Variants in PCDHGA2 observed in about 807,000 individuals in gnomAD.
The protein encoded by PCDHGA2 is protocadherin gamma-A2.
A neutral mutation model predicts 59.2 loss-of-function variants in PCDHGA2; 40 were observed. The ratio of observed to expected loss-of-function variants is 0.68; its 90% CI spans 0.52 to 0.88. The LOEUF (loss-of-function observed/expected upper bound fraction) is 0.88, where lower values mean the gene tolerates loss of function less well. Ranked by LOEUF, PCDHGA2 falls within the 40% of genes least tolerant of loss-of-function variation. PCDHGA2 has a pLI of 0.00. For missense variants in PCDHGA2, 1,226 were observed against 1,204.0 expected, an observed-to-expected ratio of 1.02 and a Z score of -0.27; for synonymous variants, 560 against 526.0, an observed-to-expected ratio of 1.06 and a Z score of -0.89.
intron 1 of PCDHGA2, chr5:141,403,391 G>GT (rs2154533404): frequency 1.2e-6 from 2 of 1,614,046 alleles, no homozygotes; most frequent in Admixed American, 3.3e-5. Flanking sequence ...CGAAATCGCG[G>GT]TTCCTGGAGC....
chr5:141,385,573 C>T lies in PCDHGA2; in HGVS notation c.2424+44178C>T, dbSNP rs576834153. 10 of 1,295,026 alleles carry T rather than the reference C, an allele frequency of 7.7e-6. No individual in the cohort carries two copies. In the East Asian group the frequency reaches 2.7e-4, roughly 35 times the overall value. The allele number at this position is 1,295,026 out of a possible 1,614,324, so 80.2% of individuals were successfully genotyped here. On this transcript the variant is annotated intron_variant, in intron 1 of 3. Coordinates refer to ENST00000394576, the MANE Select transcript of PCDHGA2 (RefSeq NM_018915.4). Reference sequence around the variant, plus strand: ...ACATTTTATAATTTCCACCTACTTTCCAATCTATGTTCCAACCTACTTTCT... The same window carrying T: ...ACATTTTATAATTTCCACCTACTTTTCAATCTATGTTCCAACCTACTTTCT...
intron 1 of PCDHGA2, among the ~76,000 whole-genome samples, chr5:141,373,006 G>GCCT (rs775944130): frequency 4.6e-5 from 7 of 152,146 alleles, no homozygotes; most frequent in Non-Finnish European, 8.8e-5. Context: ...TTCATAGAAA[G>GCCT]CCTCCTTTTG....
intron 1 of PCDHGA2, chr5:141,423,309 G>T (rs1401836240): frequency 6.2e-7 from 1 of 1,614,176 alleles, no homozygotes; most frequent in South Asian, 1.1e-5. Context: ...CGCTGTACTT[G>T]GTGGTGGCGG....
intron 1 of PCDHGA2, chr5:141,383,141 G>A (rs781049830): frequency 1.2e-6 from 2 of 1,614,134 alleles, no homozygotes; most frequent in Admixed American, 1.7e-5. Flanking sequence ...AACCAGCGCA[G>A]CGGCAGCTTG....
intron 1 of PCDHGA2, chr5:141,414,831 G>A (rs1230752323): frequency 1.9e-6 from 3 of 1,614,212 alleles, no homozygotes; most frequent in Admixed American, 1.7e-5. Flanking sequence ...ACGTGTCGTT[G>A]AGCCTGTTTG....
chr5:141,460,454 T>A (rs1010186960), intron 1 of PCDHGA2, among the ~76,000 whole-genome samples: 6 of 152,194 alleles, frequency 3.9e-5, no homozygotes, highest in Admixed American at 3.3e-4. Flanking sequence ...TGAAGATTCA[T>A]ATTTTTTTCC....
In PCDHGA2 at chr5:141,485,433, A is replaced by G. The variant is rs2099613324; in HGVS notation, c.2425-9374A>G. On this transcript the variant is annotated intron_variant, in intron 1 of 3. Transcript: ENST00000394576. The surrounding 1 kb of genome is among the most constrained non-coding windows in gnomAD (Gnocchi z 5.7). The stretch of plus-strand genomic sequence containing the variant: ...TTGGACAGCGGAGCCCTGCTCATCA[A>G]GAACCCAATCGACCGAGAGGCACTG... 6 of 1,614,208 alleles carry G rather than the reference A, an allele frequency of 3.7e-6. No homozygotes were observed. Among genetic ancestry groups the G allele is most frequent in the Non-Finnish European group, 5.1e-6 (6 of 1,180,030 alleles).
Position 141,353,200 on chromosome 5 carries a change from G to T in PCDHGA2, c.2424+11805G>T, listed in dbSNP as rs547023027. ...TGTATGGTTGGCAAATCTTGCTAAA[G>T]AGACCTGTTTCCTAGATGTTAACAC... On this transcript the variant is annotated intron_variant, in intron 1 of 3. Coordinates refer to ENST00000394576, the MANE Select transcript of PCDHGA2 (RefSeq NM_018915.4). Among the ~76,000 whole-genome samples, 16 of 152,240 alleles carry T rather than the reference G, an allele frequency of 1.1e-4. No individual in the cohort carries two copies. In the South Asian group the frequency reaches 3.3e-3, roughly 32 times the overall value.
At chr5:141,475,161 A>G (rs1433985907) in intron 1 of PCDHGA2, among the ~76,000 whole-genome samples, 1 of 152,138 alleles carries the variant, frequency 6.6e-6, no homozygotes, top group Non-Finnish European at 1.5e-5. Context: ...CTTCTTCATT[A>G]GCAGTGCAAC....
chr5:141,476,912 G>A lies in PCDHGA2; in HGVS notation c.2425-17895G>A, dbSNP rs1196222770. 1.9e-6 allele frequency: 3 copies of A among 1,614,098 alleles called. No homozygotes were observed. Among genetic ancestry groups the A allele is most frequent in the Non-Finnish European group, 2.5e-6 (3 of 1,180,048 alleles). On this transcript the variant is annotated intron_variant, in intron 1 of 3. Coordinates refer to ENST00000394576, the MANE Select transcript of PCDHGA2 (RefSeq NM_018915.4). The surrounding 1 kb of genome is among the most constrained non-coding windows in gnomAD (Gnocchi z 7.6). Reference sequence around the variant, plus strand: ...ACCCTCCGGCACGCGCGTGGTACAAGTCCTTGCAACGGATCTGGATGAAGG... The same window carrying A: ...ACCCTCCGGCACGCGCGTGGTACAAATCCTTGCAACGGATCTGGATGAAGG...
chr5:141,412,040 G>A (rs1046669003), intron 1 of PCDHGA2: 1 of 152,230 alleles, frequency 6.6e-6, no homozygotes, highest in African/African-American at 2.4e-5. Flanking sequence ...TGTGAAAGAA[G>A]TGAACTTCTA....
intron 1 of PCDHGA2, chr5:141,440,709 A>C (rs1351127132): frequency 1.3e-5 from 2 of 152,216 alleles, no homozygotes; most frequent in Non-Finnish European, 2.9e-5. Context: ...GTGGAAAGAC[A>C]TATGTTGATC....
At position 141,404,057 on chromosome 5, in the gene PCDHGA2, T is replaced by G. The variant is rs558471539; in HGVS notation, c.2424+62662T>G. ...ACCTCAGGGAACAGTAATTCTTCTT[T>G]TCAATGCTCATGACCGAGACTCCGG... On this transcript the variant is annotated intron_variant, in intron 1 of 3. Coordinates refer to ENST00000394576, the MANE Select transcript of PCDHGA2 (RefSeq NM_018915.4). 9.5e-5 allele frequency: 154 copies of G among 1,613,894 alleles called. No individual in the cohort carries two copies. The East Asian group carries it at 3.4e-3, about 36-fold the overall frequency.
At chr5:141,350,395 G>A in intron 1 of PCDHGA2, 1 of 1,599,332 alleles carries the variant, frequency 6.3e-7, no homozygotes, top group South Asian at 1.1e-5. Context: ...GCTCACGGGT[G>A]GGGAAACTTG....
At chr5:141,387,237 G>A (rs1273049599) in intron 1 of PCDHGA2, among the ~76,000 whole-genome samples, 2 of 152,168 alleles carry the variant, frequency 1.3e-5, no homozygotes, top group African/African-American at 4.8e-5. Flanking sequence ...AAATCAACTT[G>A]GAGGTACTTA....
chr5:141,415,754 T>TTTTG, intron 1 of PCDHGA2: 1 of 1,385,736 alleles, frequency 7.2e-7, no homozygotes, highest in Non-Finnish European at 9.3e-7. Flanking sequence ...TTTTTTTTTT[T>TTTTG]TTTTTTTTTT....
chr5:141,427,865 G>A, intron 1 of PCDHGA2: 1 of 1,558,148 alleles, frequency 6.4e-7, no homozygotes. Flanking sequence ...GCGCCTTCGA[G>A]CTCACGATGC....
Position 141,491,498 on chromosome 5 carries a change from C to T in PCDHGA2, c.2425-3309C>T, listed in dbSNP as rs975297143. 2 of 1,614,102 alleles carry T rather than the reference C, an allele frequency of 1.2e-6. No homozygotes were observed. Among genetic ancestry groups the T allele is most frequent in the Non-Finnish European group, 1.7e-6 (2 of 1,180,018 alleles). ...TCCAGCCCCAACCTGCAGGTGAGCT[C>T]GGACGGCACGCTCAAGTACATGGAG... On this transcript the variant is annotated intron_variant, in intron 1 of 3. Transcript: ENST00000394576. The surrounding 1 kb of genome is among the most constrained non-coding windows in gnomAD (Gnocchi z 6.9).
At chr5:141,468,330 C>CAAAAA (rs533390277) in intron 1 of PCDHGA2, 4 of 79,848 alleles carry the variant, frequency 5.0e-5, no homozygotes, top group African/African-American at 7.8e-5. Context: ...AACTCCATCT[C>CAAAAA]AAAAAAAAAA....
Sources: gnomAD v4.1 joint callset for allele counts (sites outside exome capture counted in the v4.1 genomes callset) on GRCh38, gnomAD v4.1.1 for gene constraint, Gnocchi (gnomAD v3.1) non-coding constraint, MANE v1.5 for transcripts, NCBI Gene and HGNC (gene_info 2026-07-23, HGNC 2026-07-21) for gene names.